EML5: variants seen among roughly 807,000 people sequenced by gnomAD.
EML5 encodes the protein EMAP like 5.
Under a neutral mutation model 250.0 loss-of-function variants are expected in EML5, and 120 were observed. The observed-to-expected ratio is 0.48, with a 90% CI of 0.41 to 0.56. EML5 has a LOEUF of 0.56. Among genes scored for constraint, EML5 ranks in the 20% least tolerant of loss-of-function variants. The pLI is 0.00. For synonymous variants in EML5, 771 were observed against 806.5 expected (o/e 0.96, Z 0.75); for missense variants, 2,006 against 2,437.6 (o/e 0.82, Z 3.73).
chr14:88,620,658 T>C lies in EML5; in HGVS notation c.5375+96A>G. On this transcript the variant is annotated intron_variant, in intron 39 of 43. Transcript: ENST00000554922. The surrounding 1 kb of genome is among the most constrained non-coding windows in gnomAD (Gnocchi z 4.3). ...ATAATACGGGAAATGCTACAGGCCC[T>C]GGGGACCTCTTTTTGAAGGCAAGGC... 1 of 1,024,186 alleles carries C rather than the reference T, an allele frequency of 9.8e-7. No homozygotes were observed. The highest frequency in any genetic ancestry group is 3.2e-4 in the Middle Eastern group (1 of 3,096). The allele number at this position is 1,024,186 out of a possible 1,614,324, so 63.4% of individuals were successfully genotyped here. A position where few individuals can be genotyped will look rare whatever the true frequency, so the allele number is the denominator to read the frequency against.
At position 88,615,108 on chromosome 14, in the gene EML5, G is replaced by A. The variant is rs1430178038; in HGVS notation, c.*710C>T. On this transcript the variant is annotated 3_prime_UTR_variant, in exon 44 of 44. Transcript: ENST00000554922. ...GTGAGGCTACAGTTATGTTTTAAAT[G>A]TGCGATTACAGAGATGGCATCTGAA... is the stretch of plus-strand genomic sequence containing the variant. 7 of 152,138 alleles carry A rather than the reference G, an allele frequency of 4.6e-5. No individual in the cohort carries two copies. Among genetic ancestry groups the A allele is most frequent in the African/African-American group, 1.7e-4 (7 of 41,444 alleles). 9.4% of individuals were successfully genotyped at this position (152,138 alleles called of 1,614,324 possible).
At chr14:88,765,852 G>C (rs2094312972) in intron 1 of EML5, among the ~76,000 whole-genome samples, 1 of 152,194 alleles carries the variant, frequency 6.6e-6, no homozygotes, top group Admixed American at 6.5e-5. Context: ...TTTAAGAACA[G>C]TTACTTCATG....
At chr14:88,658,145 A>G in intron 26 of EML5, 42 bp downstream of exon 26, 1 of 1,597,974 alleles carries the variant, frequency 6.3e-7, no homozygotes. Flanking sequence ...GTTGTGCTAA[A>G]TTTTCCCTAT....
chr14:88,730,184 A>G (rs891631663), intron 7 of EML5, among the ~76,000 whole-genome samples: 1 of 152,218 alleles, frequency 6.6e-6, no homozygotes, highest in South Asian at 2.1e-4. Flanking sequence ...TAGATGGCAA[A>G]GCATTAGGTT....
chr14:88,689,804 GCATAGA>G (rs1210277578), intron 17 of EML5, among the ~76,000 whole-genome samples: 5 of 152,134 alleles, frequency 3.3e-5, no homozygotes, highest in Non-Finnish European at 5.9e-5. Context: ...AATGTACCAG[GCATAGA>G]CTTATGAACA....
chr14:88,778,599 T>C (rs1049512675), intron 1 of EML5, among the ~76,000 whole-genome samples: 1 of 152,102 alleles, frequency 6.6e-6, no homozygotes, highest in Non-Finnish European at 1.5e-5. Flanking sequence ...GCAAACATGG[T>C]GAAACCCTGT....
chr14:88,792,410 C>A lies in EML5; in HGVS notation c.94G>T (p.Ala32Ser), dbSNP rs1340110209. The A allele has an allele frequency of 1.9e-6, 3 of 1,562,148 alleles. No homozygotes were observed. The East Asian group carries it at 7.2e-5, about 38-fold the overall frequency. The change falls in exon 1 of 44, where the codon GCG (alanine) becomes TCG (serine). Residue 32 changes from alanine to serine, a missense_variant. Physicochemically the swap from Ala to Ser is moderately conservative, Grantham distance 99. This residue lies in a region of EML5 where 162 missense variants were observed against 212.2 expected (regional missense o/e 0.76). Coordinates refer to ENST00000554922, the MANE Select transcript of EML5 (RefSeq NM_183387.3). This position sits in a 1 kb window ranked among gnomAD's most constrained non-coding sequence, Gnocchi z 6.9. ...ACGAAGTATACGATCTCCTTGGCCG[C>A]AGTGTAGTAGAGGTTGTTGCGGCAC... ...HQCRNNLYYTAAKEIVYFVAG... is the reference protein window; with the variant it reads ...HQCRNNLYYTSAKEIVYFVAG...
intron 16 of EML5, among the ~76,000 whole-genome samples, chr14:88,695,077 C>T (rs974034243): frequency 1.5e-4 from 23 of 151,944 alleles, no homozygotes; most frequent in African/African-American, 5.6e-4. Flanking sequence ...TATATAATAG[C>T]CTATCATACA....
At chr14:88,767,843 C>T (rs950787341) in intron 1 of EML5, among the ~76,000 whole-genome samples, 1 of 151,244 alleles carries the variant, frequency 6.6e-6, no homozygotes, top group Non-Finnish European at 1.5e-5. Flanking sequence ...AGGAAATTAA[C>T]ATTAGTACAA....
intron 16 of EML5, 148 bp downstream of exon 16, chr14:88,695,213 G>A (rs202003213): frequency 2.9e-6 from 1 of 350,172 alleles, no homozygotes; most frequent in South Asian, 3.6e-5. Context: ...CATTTACTAT[G>A]ATTATATTAT....
chr14:88,706,515 T>C (rs531417327), intron 10 of EML5, 89 bp from the exon 11 acceptor site: 1 of 957,416 alleles, frequency 1.0e-6, no homozygotes, highest in African/African-American at 1.7e-5. Flanking sequence ...CACTGTATCA[T>C]CCTTCTATCT....
At chr14:88,638,228 T>G (rs912210122) in intron 32 of EML5, among the ~76,000 whole-genome samples, 4 of 152,212 alleles carry the variant, frequency 2.6e-5, no homozygotes, top group Non-Finnish European at 5.9e-5. Flanking sequence ...CTCATCAGTT[T>G]GGCTGTAGAG....
chr14:88,663,041 G>A lies in EML5; in HGVS notation c.3488C>T (p.Pro1163Leu), dbSNP rs1273676310. 1.3e-6 allele frequency: 2 copies of A among 1,551,100 alleles called. No homozygotes were observed. The highest frequency in any genetic ancestry group is 1.7e-6 in the Non-Finnish European group (2 of 1,146,634). Reference protein sequence around the residue: ...EAPRGKKQTIPSVEVEKIAWA... With the variant: ...EAPRGKKQTILSVEVEKIAWA... ...CCACTGTTGTCCTACCTCCACGCTG[G>A]GGATGGTTTGTTTTTTCCCTCTGGG... Residue 1163 changes from proline (P) to leucine (L), a missense_variant, in exon 24 of 44, where the codon CCC becomes CTC. Pro to Leu is a moderately conservative substitution (Grantham distance 98, BLOSUM62 -3). Coordinates refer to ENST00000554922, the MANE Select transcript of EML5 (RefSeq NM_183387.3).
In EML5 at chr14:88,688,292, G is replaced by A. The variant is rs778221718; in HGVS notation, c.2721C>T (p.Phe907=). Residue 907 remains phenylalanine (F), a synonymous_variant, in exon 18 of 44, where the codon TTC becomes TTT. Transcript: ENST00000554922. ...TTACTTTTTCCAATGCATGCATACT[G>A]AACACTGGCCCATCATGCGCTTTCA... ...KTVKAHDGPV[F]SMHALEKGFV... 1.1e-5 allele frequency: 18 copies of A among 1,613,704 alleles called. No individual in the cohort carries two copies. Among genetic ancestry groups the A allele is most frequent in the African/African-American group, 2.7e-5 (2 of 74,892 alleles).
chr14:88,631,678 G>T (rs1309587763), intron 33 of EML5, among the ~76,000 whole-genome samples: 1 of 152,158 alleles, frequency 6.6e-6, no homozygotes, highest in Non-Finnish European at 1.5e-5. Flanking sequence ...GCTGAGGCAG[G>T]AGAATTGCTT....
Position 88,615,500 on chromosome 14 carries a change from A to G in EML5, c.*318T>C, listed in dbSNP as rs960914752. The stretch of plus-strand genomic sequence containing the variant: ...TGGGTTTTTGAGTTCTTCTGTAAAG[A>G]GTGCTCTACCCTAAATTTTCCCAGC... On this transcript the variant is annotated 3_prime_UTR_variant, in exon 44 of 44. Transcript: ENST00000554922. 7.1e-6 allele frequency: 2 copies of G among 280,312 alleles called. No homozygotes were observed. Among genetic ancestry groups the G allele is most frequent in the African/African-American group, 4.4e-5 (2 of 45,902 alleles). 17.4% of individuals were successfully genotyped at this position (280,312 alleles called of 1,614,324 possible). A position where few individuals can be genotyped will look rare whatever the true frequency, so the allele number is the denominator to read the frequency against.
Position 88,642,897 on chromosome 14 carries a change from A to G in EML5, c.4233T>C (p.Ala1411=), listed in dbSNP as rs776314489. ...TGGAGAATCAGGGTTTCCTACCTGTAGCAACATTGTGCAGAATTCCAACAG... is the reference window on the plus strand; with the variant it reads ...TGGAGAATCAGGGTTTCCTACCTGTGGCAACATTGTGCAGAATTCCAACAG... ...TASVGILHNV[A]TGSQSFYQEH... The change falls in exon 31 of 44, where the codon GCT becomes GCC. Residue 1411 remains alanine (A), a synonymous_variant. Transcript: ENST00000554922. 4 of 1,601,184 alleles carry G rather than the reference A, an allele frequency of 2.5e-6. No homozygotes were observed. The highest frequency in any genetic ancestry group is 2.6e-6 in the Non-Finnish European group (3 of 1,176,108).
chr14:88,778,575 T>C lies in EML5; in HGVS notation c.197+13732A>G, dbSNP rs573180863. ...GCGGGTGGATCACGAGGTCAGGAGA[T>C]CCAGGCCATCCTGGCAAACATGGTG... On this transcript the variant is annotated intron_variant, in intron 1 of 43. Coordinates refer to ENST00000554922, the MANE Select transcript of EML5 (RefSeq NM_183387.3). Among the ~76,000 whole-genome samples the C allele has an allele frequency of 3.9e-5, 6 of 152,338 alleles. No individual in the cohort carries two copies. The South Asian group carries it at 1.2e-3, about 32-fold the overall frequency.
intron 2 of EML5, among the ~76,000 whole-genome samples, chr14:88,753,983 A>C (rs2094130949): frequency 6.6e-6 from 1 of 152,078 alleles, no homozygotes; most frequent in South Asian, 2.1e-4. Context: ...TACCAAAAAA[A>C]AAAATTAGCC....
Sources: gnomAD v4.1 joint callset for allele counts (sites outside exome capture counted in the v4.1 genomes callset) on GRCh38, gnomAD v4.1.1 for gene constraint, gnomAD v4.1.1 regional missense constraint, Gnocchi (gnomAD v3.1) non-coding constraint, MANE v1.5 for transcripts, NCBI Gene and HGNC (gene_info 2026-07-23, HGNC 2026-07-21) for gene names.